Variants in FBXL17 observed in about 807,000 individuals in gnomAD.
The protein encoded by FBXL17 is F-box/LRR-repeat protein 17.
FBXL17 carries 22 observed loss-of-function variants against 66.2 expected under a neutral mutation model. That is an observed-to-expected ratio of 0.33 (90% CI 0.24 to 0.47). The LOEUF (loss-of-function observed/expected upper bound fraction) is 0.47, where lower values mean the gene tolerates loss of function less well. Ranked by LOEUF, FBXL17 falls within the 20% of genes least tolerant of loss-of-function variation. FBXL17 has a pLI of 1.00. For missense variants in FBXL17, 878 were observed against 948.2 expected, an observed-to-expected ratio of 0.93 and a Z score of 0.97; for synonymous variants, 474 against 400.5, an observed-to-expected ratio of 1.18 and a Z score of -2.19.
At chr5:107,886,127 G>A (rs916987719) in intron 7 of FBXL17, among the ~76,000 whole-genome samples, 20 of 152,170 alleles carry the variant, frequency 1.3e-4, no homozygotes, top group African/African-American at 3.9e-4. Flanking sequence ...AAAAAGAACT[G>A]TAAGCAAACA....
intron 7 of FBXL17, among the ~76,000 whole-genome samples, chr5:107,985,962 A>T (rs1402906849): frequency 6.6e-6 from 1 of 152,156 alleles, no homozygotes; most frequent in Non-Finnish European, 1.5e-5. Context: ...TCTTCTGTAG[A>T]CTATTGTCAA....
In FBXL17 at chr5:108,266,910, C is replaced by T. The variant is rs1757068105; in HGVS notation, c.1507-42682G>A. Among the ~76,000 whole-genome samples, 3 of 151,960 alleles carry T rather than the reference C, an allele frequency of 2.0e-5. No homozygotes were observed. In the South Asian group the frequency reaches 6.3e-4, roughly 32 times the overall value. On this transcript the variant is annotated intron_variant, in intron 4 of 8. Transcript: ENST00000542267. ...TGTGGTTTCAGACATCTACTGGGATCCCTCATGGATAAGGGGAACTATTAG... is the reference window on the plus strand; with the variant it reads ...TGTGGTTTCAGACATCTACTGGGATTCCTCATGGATAAGGGGAACTATTAG...
At chr5:108,030,748 AAT>A (rs1241987316) in intron 6 of FBXL17, among the ~76,000 whole-genome samples, 1 of 152,080 alleles carries the variant, frequency 6.6e-6, no homozygotes, top group Non-Finnish European at 1.5e-5. Context: ...GTTCAGGAGA[AAT>A]AGTTTATTAT....
chr5:107,939,448 C>T (rs1319933824), intron 7 of FBXL17, among the ~76,000 whole-genome samples: 2 of 152,068 alleles, frequency 1.3e-5, no homozygotes, highest in African/African-American at 2.4e-5. Flanking sequence ...AGAACCTCCA[C>T]AGATTCGGGC....
chr5:107,941,045 A>G (rs1751075837), intron 7 of FBXL17, among the ~76,000 whole-genome samples: 1 of 152,114 alleles, frequency 6.6e-6, no homozygotes, highest in African/African-American at 2.4e-5. Flanking sequence ...AAACTTAACT[A>G]GTAATTCAGG....
chr5:107,933,278 T>C (rs754932710), intron 7 of FBXL17, among the ~76,000 whole-genome samples: 2 of 152,204 alleles, frequency 1.3e-5, no homozygotes, highest in Non-Finnish European at 2.9e-5. Context: ...TTTGCCATTC[T>C]ATCCAGTTTC....
At chr5:108,064,831 C>T (rs1210877136) in intron 6 of FBXL17, among the ~76,000 whole-genome samples, 1 of 152,118 alleles carries the variant, frequency 6.6e-6, no homozygotes, top group African/African-American at 2.4e-5. Context: ...AGCCTTCCTG[C>T]AGCTTCCTTC....
At chr5:107,946,400 T>C (rs1259375126) in intron 7 of FBXL17, among the ~76,000 whole-genome samples, 1 of 143,972 alleles carries the variant, frequency 6.9e-6, no homozygotes, top group Non-Finnish European at 1.5e-5. Flanking sequence ...GCTTAAGTGA[T>C]CTGTTTCAGC....
intron 7 of FBXL17, among the ~76,000 whole-genome samples, chr5:107,935,512 T>C (rs1257865133): frequency 6.6e-6 from 1 of 152,064 alleles, no homozygotes; most frequent in Non-Finnish European, 1.5e-5. Context: ...AATGGAACGC[T>C]TTTCACAGTG....
At chr5:108,003,141 A>T (rs535874500) in intron 7 of FBXL17, among the ~76,000 whole-genome samples, 16 of 152,344 alleles carry the variant, frequency 1.1e-4, no homozygotes, top group African/African-American at 3.6e-4. Flanking sequence ...GAAGCTTGCT[A>T]ATATTTGTGG....
intron 6 of FBXL17, among the ~76,000 whole-genome samples, chr5:108,052,157 T>TGCCCTCTC (rs1318764408): frequency 1.4e-5 from 2 of 147,928 alleles, no homozygotes; most frequent in African/African-American, 2.5e-5. Flanking sequence ...AAGACAAGAA[T>TGCCCTCTC]GCCCTCTCTC....
At position 108,013,708 on chromosome 5, in the gene FBXL17, CA is replaced by C. The variant is rs561695773; in HGVS notation, c.1822+7216del. ...CAGAGTAAACATTTGCTGAATGAAA[CA>C]AAAATAAAAAACCAGTCTAGAATGA... On this transcript the variant is annotated intron_variant, in intron 7 of 8. Coordinates refer to ENST00000542267, the MANE Select transcript of FBXL17 (RefSeq NM_001163315.3). 3.5e-3 allele frequency among the ~76,000 whole-genome samples: 532 copies of C among 151,868 alleles called. 2 individuals are homozygous for C. The highest frequency in any genetic ancestry group is 0.012 in the African/African-American group (513 of 41,454).
chr5:107,935,183 G>A (rs1308088240), intron 7 of FBXL17, among the ~76,000 whole-genome samples: 1 of 151,946 alleles, frequency 6.6e-6, no homozygotes, highest in Non-Finnish European at 1.5e-5. Context: ...TTAGATTCTG[G>A]TTGTTATGTG....
At chr5:108,054,263 C>A (rs892204102) in intron 6 of FBXL17, among the ~76,000 whole-genome samples, 1 of 150,912 alleles carries the variant, frequency 6.6e-6, no homozygotes, top group African/African-American at 2.4e-5. Flanking sequence ...AAAAAAAAGT[C>A]TTTATTTCTT....
chr5:108,034,417 T>G (rs1381599246), intron 6 of FBXL17, among the ~76,000 whole-genome samples: 1 of 152,198 alleles, frequency 6.6e-6, no homozygotes, highest in Non-Finnish European at 1.5e-5. Flanking sequence ...TTCTTAAAAT[T>G]GTGTTGCCAG....
chr5:108,126,095 G>A (rs1213958487), intron 6 of FBXL17, among the ~76,000 whole-genome samples: 1 of 152,096 alleles, frequency 6.6e-6, no homozygotes, highest in Admixed American at 6.6e-5. Flanking sequence ...TATAAGAGGT[G>A]CAGAGGCAAG....
At chr5:108,194,122 T>C (rs1421523219) in intron 5 of FBXL17, among the ~76,000 whole-genome samples, 3 of 152,112 alleles carry the variant, frequency 2.0e-5, no homozygotes, top group African/African-American at 4.8e-5. Context: ...AGCTTCCCTA[T>C]CAAGGCCCTC....
intron 7 of FBXL17, among the ~76,000 whole-genome samples, chr5:107,992,825 T>C (rs1326170471): frequency 6.6e-6 from 1 of 152,206 alleles, no homozygotes; most frequent in Non-Finnish European, 1.5e-5. Flanking sequence ...CCAAATAGCA[T>C]GTCCTATCAT....
At chr5:108,309,744 A>G (rs1420247195) in intron 4 of FBXL17, among the ~76,000 whole-genome samples, 1 of 152,058 alleles carries the variant, frequency 6.6e-6, no homozygotes. Flanking sequence ...ACAGTGACTG[A>G]TTTTTGTATT....
Sources: gnomAD v4.1 joint callset for allele counts (sites outside exome capture counted in the v4.1 genomes callset) on GRCh38, gnomAD v4.1.1 for gene constraint, MANE v1.5 for transcripts, NCBI Gene and HGNC (gene_info 2026-07-23, HGNC 2026-07-21) for gene names.